The following ANK2 variants were observed in gnomAD, a reference collection of about 807,000 sequenced individuals.
ANK2 encodes the protein ankyrin-2.
ANK2 carries 83 observed loss-of-function variants against 360.5 expected under a neutral mutation model. That is an observed-to-expected ratio of 0.23 (90% confidence interval 0.19 to 0.28). The LOEUF is 0.28. Among genes scored for constraint, ANK2 ranks in the 10% least tolerant of loss-of-function variants. The pLI is 1.00. For missense variants in ANK2, 4,201 were observed against 4,795.7 expected, an observed-to-expected ratio of 0.88 and a Z score of 3.66; for synonymous variants, 1,740 against 1,759.5, an observed-to-expected ratio of 0.99 and a Z score of 0.28.
chr4:113,240,654 C>A, intron 8 of ANK2, 71 bp downstream of exon 8: 1 of 1,325,662 alleles, frequency 7.5e-7, no homozygotes, highest in Non-Finnish European at 1.1e-6. Context: ...AAAGGAACAC[C>A]AATGGCTTTC....
chr4:112,765,061 G>A, the ANK2 span, among the ~76,000 whole-genome samples: 8 of 152,168 alleles, frequency 5.3e-5, no homozygotes, highest in African/African-American at 1.9e-4. Context: ...TCTCAACAAT[G>A]TATGAAGTAA....
At chr4:113,201,021 G>C (rs1389268913) in intron 4 of ANK2, among the ~76,000 whole-genome samples, 1 of 151,930 alleles carries the variant, frequency 6.6e-6, no homozygotes, top group Non-Finnish European at 1.5e-5. Context: ...ATATATCCTA[G>C]AACTTAAAGT....
chr4:112,906,893 A>C (rs184450995), intron 2 of ANK2, among the ~76,000 whole-genome samples: 2 of 152,180 alleles, frequency 1.3e-5, no homozygotes, highest in African/African-American at 4.8e-5. Context: ...ATGTACATGA[A>C]TATTACTCTC....
At chr4:112,868,740 A>G (rs761793025) in intron 1 of ANK2, among the ~76,000 whole-genome samples, 3 of 152,178 alleles carry the variant, frequency 2.0e-5, no homozygotes, top group Non-Finnish European at 4.4e-5. Context: ...AATGAGATAT[A>G]TTTACAGTGT....
chr4:113,020,507 A>G (rs2057769080), intron 2 of ANK2, among the ~76,000 whole-genome samples: 1 of 152,034 alleles, frequency 6.6e-6, no homozygotes, highest in Non-Finnish European at 1.5e-5. Context: ...AGGCAGTCTT[A>G]ACGATAATTT....
At chr4:112,959,430 GCT>G (rs1456643463) in intron 2 of ANK2, among the ~76,000 whole-genome samples, 1 of 152,100 alleles carries the variant, frequency 6.6e-6, no homozygotes, top group Non-Finnish European at 1.5e-5. Context: ...ATAAAAGGGT[GCT>G]CCTTGGGCTT....
intron 1 of ANK2, among the ~76,000 whole-genome samples, chr4:113,080,821 C>T (rs934557228): frequency 1.3e-5 from 2 of 151,826 alleles, no homozygotes; most frequent in African/African-American, 4.8e-5. Context: ...GAAAATCAAT[C>T]GGAGTTGTGA....
intron 1 of ANK2, among the ~76,000 whole-genome samples, chr4:112,871,680 C>G (rs892242815): frequency 2.0e-5 from 3 of 152,148 alleles, no homozygotes; most frequent in Non-Finnish European, 4.4e-5. Flanking sequence ...CTTCTTTTCT[C>G]TTTTTTGAAA....
At chr4:112,828,347 C>T (rs1332327239) in intron 1 of ANK2, among the ~76,000 whole-genome samples, 1 of 148,892 alleles carries the variant, frequency 6.7e-6, no homozygotes, top group Non-Finnish European at 1.5e-5. Context: ...CAATTCTCTG[C>T]CTCAGCCTCC....
At chr4:113,059,040 A>C (rs2071682356) in intron 1 of ANK2, among the ~76,000 whole-genome samples, 1 of 152,150 alleles carries the variant, frequency 6.6e-6, no homozygotes, top group African/African-American at 2.4e-5. Flanking sequence ...CATGGTGGAA[A>C]AGGCAAGACA....
chr4:113,087,212 A>T (rs1312043540), intron 1 of ANK2, among the ~76,000 whole-genome samples: 2 of 152,312 alleles, frequency 1.3e-5, no homozygotes, highest in East Asian at 3.9e-4. Context: ...GGAAAAGAAG[A>T]GAGGAAAGAG....
chr4:112,996,450 T>C (rs2048545509), intron 2 of ANK2, among the ~76,000 whole-genome samples: 1 of 152,194 alleles, frequency 6.6e-6, no homozygotes, highest in South Asian at 2.1e-4. Flanking sequence ...AAGGAAAAGA[T>C]ATTTACTCGT....
At chr4:113,173,452 T>G (rs2098069637) in intron 1 of ANK2, among the ~76,000 whole-genome samples, 1 of 152,202 alleles carries the variant, frequency 6.6e-6, no homozygotes, top group Non-Finnish European at 1.5e-5. Flanking sequence ...GTGTCCCTTT[T>G]CATGCCTCCA....
chr4:112,816,038 A>G (rs1449816966), upstream of ANK2, among the ~76,000 whole-genome samples: 1 of 152,218 alleles, frequency 6.6e-6, no homozygotes, highest in African/African-American at 2.4e-5. Flanking sequence ...CAAGCTGGAC[A>G]AAAGTGTGGG....
chr4:113,256,715 A>C (rs1389785435), intron 11 of ANK2, among the ~76,000 whole-genome samples: 1 of 152,228 alleles, frequency 6.6e-6, no homozygotes, highest in Admixed American at 6.5e-5. Flanking sequence ...GTCTGTTAAA[A>C]TTGGTCTTCA....
chr4:112,986,584 A>G (rs566253082), intron 2 of ANK2, among the ~76,000 whole-genome samples: 6 of 152,330 alleles, frequency 3.9e-5, no homozygotes, highest in African/African-American at 1.4e-4. Flanking sequence ...CTCAGTTTGG[A>G]AAGTCTTCAG....
At chr4:112,850,365 T>TCCACCCACCCACC (rs2064507923) in intron 1 of ANK2, among the ~76,000 whole-genome samples, 1 of 78,046 alleles carries the variant, frequency 1.3e-5, no homozygotes, top group African/African-American at 5.1e-5. Flanking sequence ...ATCCACCCAT[T>TCCACCCACCCACC]CATCTCTCTG....
chr4:112,918,502 T>C (rs1027813966), intron 2 of ANK2, among the ~76,000 whole-genome samples: 2 of 152,160 alleles, frequency 1.3e-5, no homozygotes, highest in Non-Finnish European at 2.9e-5. Flanking sequence ...GGCGGAAACA[T>C]CCAAGTCCGG....
chr4:113,102,673 C>G (rs1053890476), intron 1 of ANK2, among the ~76,000 whole-genome samples: 6 of 152,154 alleles, frequency 3.9e-5, no homozygotes, highest in African/African-American at 1.4e-4. Context: ...GAATGTCCAA[C>G]TGTGAAGTGC....
Sources: allele counts gnomAD v4.1 joint callset (sites outside exome capture counted in the v4.1 genomes callset), GRCh38; gene constraint gnomAD v4.1.1; transcripts MANE v1.5; gene names NCBI Gene and HGNC (gene_info 2026-07-23, HGNC 2026-07-21).